RHOH: variants seen among roughly 807,000 people sequenced by gnomAD.
RHOH encodes rho-related GTP-binding protein RhoH.
A neutral mutation model predicts 13.8 loss-of-function variants in RHOH; 6 were observed. That is an observed-to-expected ratio of 0.44 (90% CI 0.24 to 0.86). The LOEUF (loss-of-function observed/expected upper bound fraction) is 0.86. Among genes scored for constraint, RHOH ranks in the 40% least tolerant of loss-of-function variants. RHOH has a pLI of 0.24. For missense variants in RHOH, 147 were observed against 244.5 expected (o/e 0.60, Z 2.66); for synonymous variants, 117 against 103.0 (o/e 1.14, Z -0.82).
At chr4:40,229,067 G>A (rs1297973077) in intron 1 of RHOH, among the ~76,000 whole-genome samples, 4 of 152,138 alleles carry the variant, frequency 2.6e-5, no homozygotes, top group Admixed American at 2.6e-4. Context: ...CCCAGGAATA[G>A]ATAGTGATGT....
At chr4:40,205,502 TC>T (rs1376362483) in intron 1 of RHOH, among the ~76,000 whole-genome samples, 1 of 152,246 alleles carries the variant, frequency 6.6e-6, no homozygotes, top group African/African-American at 2.4e-5. Flanking sequence ...TGAAGATAGT[TC>T]TTTTCCTGTG....
At chr4:40,199,206 AGCATGTAGCCTAGT>A in intron 1 of RHOH, among the ~76,000 whole-genome samples, 1 of 152,258 alleles carries the variant, frequency 6.6e-6, no homozygotes, top group South Asian at 2.1e-4. Flanking sequence ...AAATATGTAA[AGCATGTAGCCTAGT>A]GCCTGACTGA....
chr4:40,197,644 A>G (rs2109342184), intron 1 of RHOH, among the ~76,000 whole-genome samples: 1 of 152,338 alleles, frequency 6.6e-6, no homozygotes, highest in East Asian at 1.9e-4. Flanking sequence ...GTAAATCTAA[A>G]GATGCTCTAA....
intron 1 of RHOH, among the ~76,000 whole-genome samples, chr4:40,242,502 A>G (rs1022348785): frequency 6.6e-6 from 1 of 152,204 alleles, no homozygotes; most frequent in African/African-American, 2.4e-5. Flanking sequence ...CTGATTTCAG[A>G]TGCAGATAAC....
At position 40,246,286 on chromosome 4, in the gene RHOH, T is replaced by C. The variant is rs182613814; in HGVS notation, c.*2324T>C. 22 of 151,000 alleles carry C rather than the reference T, an allele frequency of 1.5e-4. No individual in the cohort carries two copies. Among genetic ancestry groups the C allele is most frequent in the African/African-American group, 5.4e-4 (22 of 41,028 alleles). The allele number at this position is 151,000 out of a possible 1,614,324, so 9.4% of individuals were successfully genotyped here. On this transcript the variant is annotated 3_prime_UTR_variant, in exon 3 of 3. Coordinates refer to ENST00000381799, the MANE Select transcript of RHOH (RefSeq NM_004310.5). ...CTCTCTTGTTGAAGAGAGATGGGGG[T>C]GGGTATCTGAAAGTGGGAAGGGCCA...
chr4:40,213,046 T>C (rs1725452659), intron 1 of RHOH, among the ~76,000 whole-genome samples: 1 of 152,102 alleles, frequency 6.6e-6, no homozygotes, highest in Admixed American at 6.5e-5. Flanking sequence ...TAGTCCTTCT[T>C]AGAAGTGAGA....
intron 1 of RHOH, chr4:40,212,634 T>G (rs560196319): frequency 6.6e-6 from 1 of 152,254 alleles, no homozygotes; most frequent in South Asian, 2.1e-4. Flanking sequence ...GTAAACATGC[T>G]AATGGTAAAA....
chr4:40,197,936 C>T (rs990769560), intron 1 of RHOH, among the ~76,000 whole-genome samples: 4 of 152,276 alleles, frequency 2.6e-5, no homozygotes, highest in South Asian at 2.1e-4. Flanking sequence ...GTTTTAGGTG[C>T]TTTACTAAAT....
At chr4:40,208,236 G>T (rs1416482068) in intron 1 of RHOH, among the ~76,000 whole-genome samples, 1 of 149,792 alleles carries the variant, frequency 6.7e-6, no homozygotes, top group African/African-American at 2.4e-5. Flanking sequence ...TTATAAATTT[G>T]GTCGTGATTG....
chr4:40,203,543 T>A lies in RHOH; in HGVS notation c.-331+6243T>A, dbSNP rs550009189. Among the ~76,000 whole-genome samples, 439 of 148,252 alleles carry A rather than the reference T, an allele frequency of 3.0e-3. 3 individuals are homozygous for A. The highest frequency in any genetic ancestry group is 0.013 in the East Asian group (69 of 5,158). On this transcript the variant is annotated intron_variant, in intron 1 of 2. Transcript: ENST00000381799. ...GTGAGTGTGTGTGTGTGTGTGTGTGTGAGAGAGAGAGAGTGTGTGTGTGTG... is the reference window on the plus strand; with the variant it reads ...GTGAGTGTGTGTGTGTGTGTGTGTGAGAGAGAGAGAGAGTGTGTGTGTGTG...
chr4:40,235,590 C>CAAAAAAAAAAAAA, intron 1 of RHOH, among the ~76,000 whole-genome samples: 1 of 74,806 alleles, frequency 1.3e-5, no homozygotes, highest in Non-Finnish European at 2.3e-5. Flanking sequence ...AACTTCATCT[C>CAAAAAAAAAAAAA]AAAAAAAAAA....
chr4:40,228,471 T>A (rs576802850), intron 1 of RHOH, among the ~76,000 whole-genome samples: 21 of 152,130 alleles, frequency 1.4e-4, no homozygotes, highest in Non-Finnish European at 2.9e-4. Context: ...CTTCAATCTG[T>A]TTGGACCAGC....
chr4:40,206,590 A>AT (rs1724668365), intron 1 of RHOH, among the ~76,000 whole-genome samples: 1 of 148,672 alleles, frequency 6.7e-6, no homozygotes, highest in Non-Finnish European at 1.5e-5. Context: ...TAACTTGCTG[A>AT]AAATTATATC....
intron 1 of RHOH, among the ~76,000 whole-genome samples, chr4:40,201,945 GTTTTTTTTT>G (rs1179441198): frequency 9.2e-6 from 1 of 109,038 alleles, no homozygotes; most frequent in Admixed American, 9.8e-5. Flanking sequence ...AACTCCATGA[GTTTTTTTTT>G]TTTTTTTTTT....
intron 1 of RHOH, among the ~76,000 whole-genome samples, chr4:40,219,112 A>G (rs1726224651): frequency 6.6e-6 from 1 of 152,162 alleles, no homozygotes; most frequent in Admixed American, 6.5e-5. Flanking sequence ...TGTAGTTTGT[A>G]TATAAAAATG....
chr4:40,203,961 A>C (rs1443024204), intron 1 of RHOH, among the ~76,000 whole-genome samples: 1 of 152,256 alleles, frequency 6.6e-6, no homozygotes, highest in East Asian at 1.9e-4. Flanking sequence ...CTGTATGATA[A>C]CATTATGTTA....
At chr4:40,207,688 C>T (rs575972400) in intron 1 of RHOH, among the ~76,000 whole-genome samples, 16 of 152,290 alleles carry the variant, frequency 1.1e-4, no homozygotes, top group South Asian at 6.2e-4. Context: ...AGATGGTGGC[C>T]GGGCACTGTG....
chr4:40,237,944 A>G (rs1314210942), intron 1 of RHOH, among the ~76,000 whole-genome samples: 2 of 152,216 alleles, frequency 1.3e-5, no homozygotes, highest in Non-Finnish European at 2.9e-5. Flanking sequence ...TTCTAAAAAG[A>G]CTTTCTCGCA....
intron 1 of RHOH, among the ~76,000 whole-genome samples, chr4:40,231,500 C>G (rs1560279570): frequency 6.6e-6 from 1 of 152,132 alleles, no homozygotes; most frequent in Non-Finnish European, 1.5e-5. Context: ...TGAAAGCGCT[C>G]TGTCTCTTCA....
Sources: allele counts gnomAD v4.1 joint callset (sites outside exome capture counted in the v4.1 genomes callset), GRCh38; gene constraint gnomAD v4.1.1; transcripts MANE v1.5; gene names NCBI Gene and HGNC (gene_info 2026-07-23, HGNC 2026-07-21).